TUB: variants seen among roughly 807,000 people sequenced by gnomAD.
TUB encodes TUB bipartite transcription factor.
TUB carries 33 observed loss-of-function variants against 59.7 expected under a neutral mutation model. The ratio of observed to expected loss-of-function variants is 0.55; its 90% CI spans 0.42 to 0.74. TUB has a LOEUF of 0.74. TUB is among the 30% of genes least tolerant of loss of function. The probability of loss-of-function intolerance (pLI) is 0.00; values close to 1 mark genes in which losing one functional copy is unlikely to be tolerated. For synonymous variants in TUB, 293 were observed against 256.4 expected (o/e 1.14, Z -1.36); for missense variants, 659 against 672.0 (o/e 0.98, Z 0.21).
At position 8,033,131 on chromosome 11, in the gene TUB, C is replaced by T. The variant is rs914460076; in HGVS notation, c.56+13773C>T. Among the ~76,000 whole-genome samples, 9 of 152,328 alleles carry T rather than the reference C, an allele frequency of 5.9e-5. No homozygotes were observed. In the South Asian group the frequency reaches 1.7e-3, roughly 28 times the overall value. On this transcript the variant is annotated intron_variant, in intron 1 of 11. Coordinates refer to the TUB transcript ENST00000534099. ...GACAGGGAGCTCCAGAGGCACCGCC[C>T]CTCGCCTGCCCGCTTCCCTGTCGCT...
At chr11:8,041,066 G>A (rs1942743645) in intron 2 of TUB, among the ~76,000 whole-genome samples, 1 of 152,204 alleles carries the variant, frequency 6.6e-6, no homozygotes. Flanking sequence ...GGGCTTCTCA[G>A]GAGTGAGTAG....
chr11:8,081,683 G>A, intron 1 of TUB, 135 bp downstream of exon 1: 2 of 997,132 alleles, frequency 2.0e-6, no homozygotes. Flanking sequence ...TGGAGTCGCT[G>A]GTCCTTCCTC....
intron 2 of TUB, among the ~76,000 whole-genome samples, chr11:8,066,226 C>G (rs1209131682): frequency 6.6e-6 from 1 of 152,196 alleles, no homozygotes; most frequent in Admixed American, 6.5e-5. Flanking sequence ...AACAGGTCTG[C>G]TCAGACGCTG....
intron 1 of TUB, among the ~76,000 whole-genome samples, chr11:8,024,239 G>A (rs1003472144): frequency 8.5e-5 from 13 of 152,150 alleles, no homozygotes; most frequent in East Asian, 3.9e-4. Context: ...CTAGCCCGGC[G>A]TGGATCAATG....
At position 8,101,609 on chromosome 11, in the gene TUB, C is replaced by T. The variant is rs201497942; in HGVS notation, c.1511C>T (p.Ala504Val). ...IALSSFDSKL[A>V]CE The stretch of plus-strand genomic sequence containing the variant: ...CTGTCCAGCTTCGACAGCAAGCTGG[C>T]GTGCGAGTAGAGGCCTCTTCGTGCC... The change falls in exon 12 of 12, where the codon GCG becomes GTG. Residue 504 changes from alanine to valine, a missense_variant. Ala to Val is a moderately conservative substitution (Grantham distance 64). This residue lies in a region of TUB where 226 missense variants were observed against 210.8 expected (regional missense o/e 1.07). Transcript: ENST00000299506. The T allele has an allele frequency of 9.3e-6, 15 of 1,614,086 alleles. No homozygotes were observed. Among genetic ancestry groups the T allele is most frequent in the African/African-American group, 2.7e-5 (2 of 74,940 alleles).
intron 4 of TUB, among the ~76,000 whole-genome samples, chr11:8,094,448 C>T (rs1318160615): frequency 2.0e-5 from 3 of 152,172 alleles, no homozygotes; most frequent in Admixed American, 6.5e-5. Context: ...CCAGAACCAC[C>T]GTCCCCCACC....
intron 2 of TUB, among the ~76,000 whole-genome samples, chr11:8,043,214 C>G (rs1264364571): frequency 6.6e-6 from 1 of 152,154 alleles, no homozygotes; most frequent in African/African-American, 2.4e-5. Flanking sequence ...AATGGTCTCG[C>G]TATCCTGTTG....
chr11:8,022,818 A>G (rs1942448737), intron 1 of TUB, among the ~76,000 whole-genome samples: 1 of 152,250 alleles, frequency 6.6e-6, no homozygotes, highest in African/African-American at 2.4e-5. Flanking sequence ...TGAACCCGGG[A>G]GACGGAGGTT....
intron 2 of TUB, among the ~76,000 whole-genome samples, chr11:8,061,193 C>G (rs944473653): frequency 6.6e-6 from 1 of 152,240 alleles, no homozygotes; most frequent in Non-Finnish European, 1.5e-5. Context: ...CACATTTCCT[C>G]CTTCCTTGGG....
chr11:8,045,906 G>A (rs1267683778), intron 2 of TUB, among the ~76,000 whole-genome samples: 2 of 152,008 alleles, frequency 1.3e-5, no homozygotes, highest in Non-Finnish European at 2.9e-5. Flanking sequence ...GGACTGGTGG[G>A]AACACAGAGT....
At chr11:8,022,205 C>T (rs1942439451) in intron 1 of TUB, among the ~76,000 whole-genome samples, 1 of 152,188 alleles carries the variant, frequency 6.6e-6, no homozygotes, top group African/African-American at 2.4e-5. Flanking sequence ...TCTATGTTCT[C>T]ATCAGTACTT....
intron 2 of TUB, among the ~76,000 whole-genome samples, chr11:8,073,193 C>A (rs1479584371): frequency 5.9e-5 from 9 of 152,188 alleles, no homozygotes; most frequent in Non-Finnish European, 1.2e-4. Flanking sequence ...AATCCCATAG[C>A]ACCACCTTTT....
chr11:8,039,141 T>A, intron 1 of TUB: 1 of 1,338,118 alleles, frequency 7.5e-7, no homozygotes, highest in East Asian at 2.5e-5. Context: ...CCCTTCCTGA[T>A]GGTGCTGCTC....
At chr11:8,055,518 C>T (rs1943006477) in intron 2 of TUB, among the ~76,000 whole-genome samples, 1 of 152,190 alleles carries the variant, frequency 6.6e-6, no homozygotes, top group Admixed American at 6.5e-5. Context: ...ACTGGCTCCT[C>T]CTTGCTCAGA....
At chr11:8,086,929 C>G (rs1943680133) in intron 1 of TUB, among the ~76,000 whole-genome samples, 1 of 152,258 alleles carries the variant, frequency 6.6e-6, no homozygotes, top group Admixed American at 6.5e-5. Flanking sequence ...TCCCTGTTAT[C>G]TTACCTAGTA....
chr11:8,074,739 C>CTT (rs1157516500), intron 2 of TUB, among the ~76,000 whole-genome samples: 56 of 60,642 alleles, frequency 9.2e-4, no homozygotes, highest in African/African-American at 1.7e-3. Context: ...GACCTCGTGT[C>CTT]TTTTTTTTTT....
chr11:8,035,232 A>T (rs4483583), upstream of TUB, among the ~76,000 whole-genome samples: 1 of 152,138 alleles, frequency 6.6e-6, no homozygotes. Flanking sequence ...AATAAAGACA[A>T]GATACAACAC....
chr11:8,065,017 C>T (rs79467993), intron 2 of TUB, among the ~76,000 whole-genome samples: 1 of 152,238 alleles, frequency 6.6e-6, no homozygotes, highest in East Asian at 1.9e-4. Flanking sequence ...AAGCAGGATG[C>T]TAGGGGATGA....
intron 2 of TUB, chr11:8,067,436 T>A (rs1032521396): frequency 2.0e-4 from 31 of 152,310 alleles, no homozygotes; most frequent in African/African-American, 7.0e-4. Flanking sequence ...GTCGTAAAGA[T>A]TAAATGGGAC....
Sources: allele counts gnomAD v4.1 joint callset (sites outside exome capture counted in the v4.1 genomes callset), GRCh38; gene constraint gnomAD v4.1.1; regional missense constraint gnomAD v4.1.1; transcripts MANE v1.5; gene names NCBI Gene and HGNC (gene_info 2026-07-23, HGNC 2026-07-21).